NTRK3: variants seen among roughly 807,000 people sequenced by gnomAD.
NTRK3 encodes neurotrophic receptor tyrosine kinase 3.
Under a neutral mutation model 91.7 loss-of-function variants are expected in NTRK3, and 24 were observed. The observed-to-expected ratio is 0.26, with a 90% confidence interval of 0.19 to 0.37. NTRK3 has a LOEUF of 0.37. Ranked by LOEUF, NTRK3 falls within the 10% of genes least tolerant of loss-of-function variation. The probability of loss-of-function intolerance (pLI) is 1.00; values close to 1 mark genes in which losing one functional copy is unlikely to be tolerated. For synonymous variants in NTRK3, 483 were observed against 404.0 expected (o/e 1.20, Z -2.34); for missense variants, 880 against 1,068.9 (o/e 0.82, Z 2.46).
chr15:88,186,863 G>A (rs2046987362), intron 3 of NTRK3, among the ~76,000 whole-genome samples: 1 of 152,130 alleles, frequency 6.6e-6, no homozygotes, highest in African/African-American at 2.4e-5. Flanking sequence ...GGAGCTGATG[G>A]TCAAAATGCA....
chr15:88,019,511 T>C (rs1741727990), intron 14 of NTRK3, among the ~76,000 whole-genome samples: 1 of 152,120 alleles, frequency 6.6e-6, no homozygotes, highest in South Asian at 2.1e-4. Context: ...GTAATTCCAT[T>C]CCCCTTAAGA....
chr15:88,039,459 C>T (rs2079399234), intron 13 of NTRK3, among the ~76,000 whole-genome samples: 1 of 152,100 alleles, frequency 6.6e-6, no homozygotes, highest in African/African-American at 2.4e-5. Context: ...CATTGGATAA[C>T]TGGAGAAACT....
intron 6 of NTRK3, among the ~76,000 whole-genome samples, chr15:88,145,444 T>A (rs953481704): frequency 6.6e-6 from 1 of 152,178 alleles, no homozygotes; most frequent in Non-Finnish European, 1.5e-5. Context: ...TGACTCACAC[T>A]GGAGGGAATG....
chr15:88,045,425 T>G (rs1404317819), intron 13 of NTRK3, among the ~76,000 whole-genome samples: 1 of 152,192 alleles, frequency 6.6e-6, no homozygotes, highest in East Asian at 1.9e-4. Context: ...AGGCAAGGAC[T>G]CTATCCTGGA....
chr15:87,887,618 C>G (rs2065625082), intron 17 of NTRK3, among the ~76,000 whole-genome samples: 1 of 152,164 alleles, frequency 6.6e-6, no homozygotes, highest in South Asian at 2.1e-4. Flanking sequence ...CCATGCTGAT[C>G]TTCCTCCAAG....
At chr15:87,860,140 C>G in exon 19 of NTRK3, 1 of 219,664 alleles carries the variant, frequency 4.6e-6, no homozygotes, top group Non-Finnish European at 9.1e-6. Context: ...TCTCTGCCCC[C>G]ACATTTAACT....
At chr15:88,227,317 C>A (rs933999579) in intron 3 of NTRK3, among the ~76,000 whole-genome samples, 1 of 152,198 alleles carries the variant, frequency 6.6e-6, no homozygotes, top group Non-Finnish European at 1.5e-5. Context: ...CCACTCCTCA[C>A]CCCCAACATA....
intron 13 of NTRK3, among the ~76,000 whole-genome samples, chr15:88,120,710 T>C (rs997002243): frequency 4.6e-5 from 7 of 152,238 alleles, no homozygotes; most frequent in African/African-American, 1.7e-4. Flanking sequence ...CCCATTTAAG[T>C]GGCACAGCAT....
chr15:88,165,823 C>A (rs530996516), intron 5 of NTRK3, among the ~76,000 whole-genome samples: 1 of 152,278 alleles, frequency 6.6e-6, no homozygotes, highest in East Asian at 1.9e-4. Context: ...AAAATCCACA[C>A]CCTTGTCATG....
At chr15:88,256,189 AGGAGAGGGGGGTGGGGTGGGG>A in intron 2 of NTRK3, 21 bp from the exon 3 acceptor site, 4 of 628,892 alleles carry the variant, frequency 6.4e-6, no homozygotes, top group Non-Finnish European at 1.0e-5. Flanking sequence ...GGAGGAGGAG[AGGAGAGGGGGGTGGGGTGGGG>A]GGAGTGGGGA....
At position 88,241,853 on chromosome 15, in the gene NTRK3, T is replaced by G. The variant is rs984948061; in HGVS notation, c.248+14053A>C. Among the ~76,000 whole-genome samples the G allele has an allele frequency of 6.6e-6, 1 of 152,010 alleles. No homozygotes were observed. Among genetic ancestry groups the G allele is most frequent in the Non-Finnish European group, 1.5e-5 (1 of 67,990 alleles). On this transcript the variant is annotated intron_variant, in intron 3 of 18. Coordinates refer to ENST00000394480, the Ensembl canonical transcript of NTRK3. This position sits in a 1 kb window ranked among gnomAD's most constrained non-coding sequence, Gnocchi z 4.3. Reference sequence around the variant, plus strand: ...AGCAAAGCTTGGCCCACCTCCCCTCTCCAGAGGTCGATTTCCAGGTGCAGG... The same window carrying G: ...AGCAAAGCTTGGCCCACCTCCCCTCGCCAGAGGTCGATTTCCAGGTGCAGG...
At chr15:88,011,723 G>A (rs963522586) in intron 14 of NTRK3, among the ~76,000 whole-genome samples, 4 of 152,254 alleles carry the variant, frequency 2.6e-5, no homozygotes, top group East Asian at 1.9e-4. Flanking sequence ...ACTTCCCACC[G>A]CACATTACTC....
chr15:88,114,735 T>A (rs1389631567), intron 13 of NTRK3, among the ~76,000 whole-genome samples: 3 of 152,238 alleles, frequency 2.0e-5, no homozygotes, highest in African/African-American at 7.2e-5. Flanking sequence ...GTAATGGTTA[T>A]CCCAGTGGCA....
At chr15:87,997,119 C>T (rs2075763516) in intron 14 of NTRK3, among the ~76,000 whole-genome samples, 1 of 152,210 alleles carries the variant, frequency 6.6e-6, no homozygotes, top group Non-Finnish European at 1.5e-5. Context: ...GTGGATCAGG[C>T]ACCAGTAACC....
chr15:87,926,686 T>C (rs1384361205), intron 17 of NTRK3: 2 of 152,210 alleles, frequency 1.3e-5, no homozygotes, highest in Non-Finnish European at 2.9e-5. Flanking sequence ...TTATTTTTTG[T>C]TTTTCCTCTT....
At chr15:87,938,028 G>A (rs115399325) in intron 15 of NTRK3, among the ~76,000 whole-genome samples, 1 of 152,058 alleles carries the variant, frequency 6.6e-6, no homozygotes, top group Non-Finnish European at 1.5e-5. Context: ...AAGGAAGGGG[G>A]TTGACTGGGT....
intron 5 of NTRK3, among the ~76,000 whole-genome samples, chr15:88,155,805 CATCTATCTATCTATCTATCTATCT>C (rs71146401): frequency 6.6e-6 from 1 of 150,560 alleles, no homozygotes; most frequent in South Asian, 2.1e-4. Flanking sequence ...TGTAATCTAT[CATCTATCTATCTATCTATCTATCT>C]ATCTATCTAT....
chr15:87,867,801 T>TA (rs2064726334), exon 19 of NTRK3: 1 of 227,450 alleles, frequency 4.4e-6, no homozygotes, highest in Non-Finnish European at 8.7e-6. Context: ...TATTTGCACT[T>TA]ACTACTATTT....
At chr15:87,937,763 G>T (rs1179379464) in intron 15 of NTRK3, among the ~76,000 whole-genome samples, 1 of 152,078 alleles carries the variant, frequency 6.6e-6, no homozygotes, top group Non-Finnish European at 1.5e-5. Flanking sequence ...AAGAAGGCAT[G>T]CCACAAGAAG....
Sources: gnomAD v4.1 joint callset for allele counts (sites outside exome capture counted in the v4.1 genomes callset) on GRCh38, gnomAD v4.1.1 for gene constraint, Gnocchi (gnomAD v3.1) non-coding constraint, MANE v1.5 for transcripts, NCBI Gene and HGNC (gene_info 2026-07-23, HGNC 2026-07-21) for gene names.